TOM1L2: variants seen among roughly 807,000 people sequenced by gnomAD.
TOM1L2 encodes the protein TOM1-like protein 2.
A neutral mutation model predicts 67.9 loss-of-function variants in TOM1L2; 31 were observed. That is an observed-to-expected ratio of 0.46 (90% CI 0.34 to 0.62). The LOEUF (loss-of-function observed/expected upper bound fraction) is 0.62, where lower values mean the gene tolerates loss of function less well. Ranked by LOEUF, TOM1L2 falls within the 20% of genes least tolerant of loss-of-function variation. The probability of loss-of-function intolerance (pLI) is 0.01; values close to 1 mark genes in which losing one functional copy is unlikely to be tolerated. For missense variants in TOM1L2, 606 were observed against 663.5 expected (o/e 0.91, Z 0.95); for synonymous variants, 256 against 254.0 (o/e 1.01, Z -0.07).
At chr17:17,921,793 GCC>G (rs1218513902) in intron 1 of TOM1L2, among the ~76,000 whole-genome samples, 1 of 152,124 alleles carries the variant, frequency 6.6e-6, no homozygotes, top group African/African-American at 2.4e-5. Context: ...CTTCCTCTCG[GCC>G]TCTTCGTGCA....
At chr17:17,964,187 C>T (rs1254559117) in intron 1 of TOM1L2, among the ~76,000 whole-genome samples, 2 of 152,096 alleles carry the variant, frequency 1.3e-5, no homozygotes, top group African/African-American at 2.4e-5. Context: ...TTTTAAAAGT[C>T]GCCTCTTTTA....
At chr17:17,967,846 G>A (rs1452393610) in intron 1 of TOM1L2, among the ~76,000 whole-genome samples, 2 of 152,092 alleles carry the variant, frequency 1.3e-5, no homozygotes, top group African/African-American at 2.4e-5. Context: ...AACCTCAGGT[G>A]ATCCACCCGC....
intron 1 of TOM1L2, among the ~76,000 whole-genome samples, chr17:17,965,915 GT>G (rs2041857027): frequency 1.3e-5 from 2 of 152,190 alleles, no homozygotes; most frequent in Admixed American, 6.5e-5. Context: ...GAGGTCAGGA[GT>G]TTGAGACCAA....
At chr17:17,935,135 A>G (rs1431404815) in intron 1 of TOM1L2, among the ~76,000 whole-genome samples, 1 of 152,232 alleles carries the variant, frequency 6.6e-6, no homozygotes, top group African/African-American at 2.4e-5. Flanking sequence ...CCTTGCCCAC[A>G]ATTTCCTCAG....
chr17:17,906,594 A>T (rs1169542899), intron 2 of TOM1L2, among the ~76,000 whole-genome samples: 1 of 152,232 alleles, frequency 6.6e-6, no homozygotes, highest in African/African-American at 2.4e-5. Context: ...AAGGGGAAGG[A>T]ATCTATCTTG....
intron 1 of TOM1L2, among the ~76,000 whole-genome samples, chr17:17,960,496 C>T (rs2041636223): frequency 6.6e-6 from 1 of 152,144 alleles, no homozygotes; most frequent in Admixed American, 6.5e-5. Context: ...GCTACCATGC[C>T]CAGCTAATTT....
intron 1 of TOM1L2, among the ~76,000 whole-genome samples, chr17:17,952,205 T>C (rs576764362): frequency 2.6e-4 from 39 of 151,996 alleles, no homozygotes; most frequent in Non-Finnish European, 4.9e-4. Flanking sequence ...TACAATGACA[T>C]GGCAAAACAA....
At chr17:17,954,209 G>T (rs2041330838) in intron 1 of TOM1L2, among the ~76,000 whole-genome samples, 1 of 152,164 alleles carries the variant, frequency 6.6e-6, no homozygotes, top group Admixed American at 6.5e-5. Flanking sequence ...AGAAAAGGAG[G>T]GAGTGGGAAC....
chr17:17,872,637 C>T (rs2037209504), intron 7 of TOM1L2, among the ~76,000 whole-genome samples: 1 of 152,238 alleles, frequency 6.6e-6, no homozygotes, highest in South Asian at 2.1e-4. Flanking sequence ...GGGTCTCCTC[C>T]CCAGGGATGT....
intron 7 of TOM1L2, among the ~76,000 whole-genome samples, chr17:17,878,177 T>C (rs1224166040): frequency 1.3e-5 from 2 of 152,360 alleles, no homozygotes; most frequent in African/African-American, 4.8e-5. Flanking sequence ...TGACAATGCA[T>C]TCAAGGGAAG....
intron 10 of TOM1L2, among the ~76,000 whole-genome samples, chr17:17,865,332 T>C (rs2036786241): frequency 6.6e-6 from 1 of 152,234 alleles, no homozygotes; most frequent in Non-Finnish European, 1.5e-5. Flanking sequence ...CTCAAACCTG[T>C]GTTCCAAGAA....
intron 7 of TOM1L2, chr17:17,872,162 T>C: frequency 2.2e-6 from 1 of 447,004 alleles, no homozygotes; most frequent in Non-Finnish European, 3.0e-6. Flanking sequence ...GGGGAAACAC[T>C]CATTACAGAA....
At chr17:17,920,216 TC>T (rs2039799888) in intron 1 of TOM1L2, among the ~76,000 whole-genome samples, 1 of 151,316 alleles carries the variant, frequency 6.6e-6, no homozygotes, top group Admixed American at 6.6e-5. Flanking sequence ...ATTCTCTCGT[TC>T]TTTTTTTTTT....
At chr17:17,963,456 G>C (rs570469573) in intron 1 of TOM1L2, among the ~76,000 whole-genome samples, 2 of 152,342 alleles carry the variant, frequency 1.3e-5, no homozygotes, top group East Asian at 3.9e-4. Context: ...CCCCTGGCTG[G>C]AGAGGACCGC....
intron 3 of TOM1L2, among the ~76,000 whole-genome samples, chr17:17,896,155 C>A (rs2038557632): frequency 6.6e-6 from 1 of 152,110 alleles, no homozygotes; most frequent in African/African-American, 2.4e-5. Flanking sequence ...CATGGGGGCA[C>A]TGAAATGAAC....
At chr17:17,907,384 G>T in intron 2 of TOM1L2, 63 bp downstream of exon 2, 2 of 1,498,752 alleles carry the variant, frequency 1.3e-6, no homozygotes, top group South Asian at 1.2e-5. Flanking sequence ...CTTAGGCCCT[G>T]ACAAGCTTTG....
chr17:17,954,502 G>A (rs140263207), intron 1 of TOM1L2, among the ~76,000 whole-genome samples: 7 of 152,216 alleles, frequency 4.6e-5, no homozygotes, highest in East Asian at 3.9e-4. Context: ...TAGTAGAGAC[G>A]GGGTTTCGCC....
chr17:17,941,860 T>G (rs1175607757), intron 1 of TOM1L2, among the ~76,000 whole-genome samples: 1 of 152,224 alleles, frequency 6.6e-6, no homozygotes, highest in Non-Finnish European at 1.5e-5. Flanking sequence ...CGCAGTGGCA[T>G]GCACCTATAG....
intron 6 of TOM1L2, among the ~76,000 whole-genome samples, chr17:17,880,798 T>C (rs1386070368): frequency 6.6e-6 from 1 of 152,204 alleles, no homozygotes; most frequent in African/African-American, 2.4e-5. Context: ...AGGTATGCTC[T>C]CTACTACACA....
Sources: allele counts gnomAD v4.1 joint callset (sites outside exome capture counted in the v4.1 genomes callset), GRCh38; gene constraint gnomAD v4.1.1; transcripts MANE v1.5; gene names NCBI Gene and HGNC (gene_info 2026-07-23, HGNC 2026-07-21).